The following VIRMA variants were observed in gnomAD, a reference collection of about 807,000 sequenced individuals.
VIRMA encodes vir like m6A methyltransferase associated.
In VIRMA, 65 loss-of-function variants were observed where a neutral mutation model predicts 182.4. The ratio of observed to expected loss-of-function variants is 0.36; its 90% CI spans 0.29 to 0.44. The LOEUF is 0.44. Ranked by LOEUF, VIRMA falls within the 20% of genes least tolerant of loss-of-function variation. VIRMA has a pLI of 1.00. For synonymous variants in VIRMA, 709 were observed against 743.1 expected (o/e 0.95, Z 0.75); for missense variants, 1,752 against 2,158.1 (o/e 0.81, Z 3.73).
chr8:94,505,946 T>G (rs1814139031), intron 16 of VIRMA, among the ~76,000 whole-genome samples: 1 of 151,970 alleles, frequency 6.6e-6, no homozygotes, highest in Non-Finnish European at 1.5e-5. Flanking sequence ...AATAAAAAAA[T>G]ACAAATTTTA....
rs1813510924 is a variant in VIRMA, at chr8:94,488,455, T to TA, written c.*250dup. 2.8e-6 allele frequency: 1 copy of TA among 357,644 alleles called. No homozygotes were observed. Among genetic ancestry groups the TA allele is most frequent in the Admixed American group, 4.1e-5 (1 of 24,558 alleles). The allele number at this position is 357,644 out of a possible 1,614,324, so 22.2% of individuals were successfully genotyped here. On this transcript the variant is annotated 3_prime_UTR_variant, in exon 24 of 24. Transcript: ENST00000297591. ...GGCAAGAAAAATACAAAACATCATT[T>TA]AGTTTTTCACCTAGAAATTTTCTAA... is the stretch of plus-strand genomic sequence containing the variant.
At chr8:94,490,172 A>C in intron 22 of VIRMA, 90 bp from the exon 23 acceptor site, 2 of 1,407,598 alleles carry the variant, frequency 1.4e-6, no homozygotes, top group Non-Finnish European at 1.9e-6. Flanking sequence ...CTTCAAAAGA[A>C]TGGAAAAGAA....
rs898067792 is a variant in VIRMA, at chr8:94,517,688, T to C, written c.2668+100A>G. 9.7e-6 allele frequency: 7 copies of C among 718,712 alleles called. No individual in the cohort carries two copies. In the Admixed American group the frequency reaches 1.5e-4, roughly 16 times the overall value. The allele number at this position is 718,712 out of a possible 1,614,324, so 44.5% of individuals were successfully genotyped here. A position where few individuals can be genotyped will look rare whatever the true frequency, so the allele number is the denominator to read the frequency against. On this transcript the variant is annotated intron_variant, in intron 10 of 23. Transcript: ENST00000297591. ...TTCAGGAAGTTAAAAACAGTATTAC[T>C]AGGTATATTATCGAAACATGATGAA...
At chr8:94,545,184 T>C (rs1364484384) in intron 1 of VIRMA, among the ~76,000 whole-genome samples, 1 of 152,176 alleles carries the variant, frequency 6.6e-6, no homozygotes, top group East Asian at 1.9e-4. Flanking sequence ...ATATCTAGTA[T>C]ATACTTACAT....
chr8:94,488,550 C>G lies in VIRMA; in HGVS notation c.*156G>C. 1.7e-6 allele frequency: 1 copy of G among 602,890 alleles called. No homozygotes were observed. The highest frequency in any genetic ancestry group is 2.7e-6 in the Non-Finnish European group (1 of 368,994). The allele number at this position is 602,890 out of a possible 1,614,324, so 37.3% of individuals were successfully genotyped here. ...ACAAAGTTTGGATTTTTATTGAAATCTTGTTAGGTATCAAACAAATTCTGC... is the reference window on the plus strand; with the variant it reads ...ACAAAGTTTGGATTTTTATTGAAATGTTGTTAGGTATCAAACAAATTCTGC... On this transcript the variant is annotated 3_prime_UTR_variant, in exon 24 of 24. Coordinates refer to ENST00000297591, the MANE Select transcript of VIRMA (RefSeq NM_015496.5).
At chr8:94,544,674 A>G (rs988996900) in intron 1 of VIRMA, among the ~76,000 whole-genome samples, 7 of 150,720 alleles carry the variant, frequency 4.6e-5, no homozygotes, top group Non-Finnish European at 1.0e-4. Flanking sequence ...AAAAAAAAAA[A>G]AAAAAAGAAA....
At position 94,492,748 on chromosome 8, in the gene VIRMA, C is replaced by T. The variant is rs751267865; in HGVS notation, c.4712G>A (p.Arg1571His). Residue 1571 changes from arginine (R) to histidine (H), a missense_variant, in exon 21 of 24, where the codon CGC (arginine) becomes CAC (histidine). This residue lies in a region of VIRMA where 777 missense variants were observed against 920.6 expected (regional missense o/e 0.84). Coordinates refer to ENST00000297591, the MANE Select transcript of VIRMA (RefSeq NM_015496.5). ...SDFDLHSELERSFLSEPSSPG... is the reference protein window; with the variant it reads ...SDFDLHSELEHSFLSEPSSPG... ...AGATGATGGTTCTGACAAAAATGAGCGCTCTAATTCTGAGTGCAAATCAAA... is the reference window on the plus strand; with the variant it reads ...AGATGATGGTTCTGACAAAAATGAGTGCTCTAATTCTGAGTGCAAATCAAA... The T allele has an allele frequency of 1.2e-4, 188 of 1,613,660 alleles. No homozygotes were observed. The highest frequency in any genetic ancestry group is 1.5e-4 in the Non-Finnish European group (177 of 1,179,788).
intron 8 of VIRMA, among the ~76,000 whole-genome samples, 157 bp downstream of exon 8, chr8:94,526,066 T>C (rs1327481354): frequency 6.6e-6 from 1 of 152,258 alleles, no homozygotes; most frequent in Non-Finnish European, 1.5e-5. Context: ...CACAGTAACA[T>C]ACTTCTCAGT....
At chr8:94,489,270 C>CT (rs1440881229) in intron 23 of VIRMA, among the ~76,000 whole-genome samples, 3 of 152,182 alleles carry the variant, frequency 2.0e-5, no homozygotes, top group Admixed American at 2.0e-4. Context: ...TAAGCATTGG[C>CT]TTTCATTACT....
intron 17 of VIRMA, chr8:94,497,486 T>G (rs1349156325): frequency 6.6e-6 from 1 of 151,964 alleles, no homozygotes; most frequent in African/African-American, 2.4e-5. Flanking sequence ...TGGAGTGCAA[T>G]GGCGCAATCT....
At chr8:94,512,718 A>G (rs1261871714) in intron 11 of VIRMA, among the ~76,000 whole-genome samples, 1 of 152,210 alleles carries the variant, frequency 6.6e-6, no homozygotes, top group Non-Finnish European at 1.5e-5. Context: ...TCAAGACTAG[A>G]GTAAACTGTG....
chr8:94,508,582 T>C (rs1241962165), intron 15 of VIRMA, among the ~76,000 whole-genome samples: 1 of 152,014 alleles, frequency 6.6e-6, no homozygotes, highest in African/African-American at 2.4e-5. Context: ...CTATTCAATG[T>C]AGTCATGCAA....
In VIRMA at chr8:94,506,517, TC is replaced by T. The variant is rs1280566437; in HGVS notation, c.4079del (p.Gly1360AspfsTer5). ...ATCATTACCTTTTTAAATGAAATAA[TC>T]CATAATCATGCTCTGCAAGAAACAT... ...TMMFLAEHDY[G>X]LFHLKSSLRK... On this transcript the variant is annotated frameshift_variant, in exon 16 of 24. Transcript: ENST00000297591. LOFTEE classifies it high-confidence loss of function. The T allele has an allele frequency of 6.2e-7, 1 of 1,605,350 alleles. No individual in the cohort carries two copies. Among genetic ancestry groups the T allele is most frequent in the African/African-American group, 1.3e-5 (1 of 74,886 alleles).
At chr8:94,494,988 G>A in intron 19 of VIRMA, 32 bp from the exon 20 acceptor site, 2 of 1,416,202 alleles carry the variant, frequency 1.4e-6, no homozygotes, top group Non-Finnish European at 9.9e-7. Context: ...GTGAAAAGCA[G>A]AATTCTAAAA....
rs1417621906 is a variant in VIRMA at position 94,512,130 on chromosome 8, A to C, written c.2752-41T>G. On this transcript the variant is annotated intron_variant, in intron 11 of 23. Coordinates refer to ENST00000297591, the MANE Select transcript of VIRMA (RefSeq NM_015496.5). ...TGAACAGAATATTTCGTTTCTTAGTACCCATGAGATCAACAGAAAATTCCA... is the reference window on the plus strand; with the variant it reads ...TGAACAGAATATTTCGTTTCTTAGTCCCCATGAGATCAACAGAAAATTCCA... 3.9e-6 allele frequency: 4 copies of C among 1,030,576 alleles called. No individual in the cohort carries two copies. In the African/African-American group the frequency reaches 6.6e-5, roughly 17 times the overall value. The allele number at this position is 1,030,576 out of a possible 1,614,324, so 63.8% of individuals were successfully genotyped here.
chr8:94,521,675 C>A (rs1393461213), intron 8 of VIRMA, among the ~76,000 whole-genome samples: 1 of 152,162 alleles, frequency 6.6e-6, no homozygotes, highest in Non-Finnish European at 1.5e-5. Flanking sequence ...CAAAATACTA[C>A]TAAAAAGTAA....
Position 94,529,108 on chromosome 8 carries a change from TC to T in VIRMA, c.841del (p.Asp281MetfsTer50). ...ATCCTCTTCACCTTCTTCCTCTTCA[TC>T]TTCCTCTTCCTCCTCAGGAATACTG... The part of the protein sequence containing the change: ...VDSIPEEEEE[D>X]EEEEGEEDEE... On this transcript the variant is annotated frameshift_variant, in exon 7 of 24. Coordinates refer to ENST00000297591, the MANE Select transcript of VIRMA (RefSeq NM_015496.5). LOFTEE classifies it high-confidence loss of function. 6.5e-7 allele frequency: 1 copy of T among 1,538,912 alleles called. No individual in the cohort carries two copies. The highest frequency in any genetic ancestry group is 9.0e-7 in the Non-Finnish European group (1 of 1,112,074).
At chr8:94,537,203 T>C (rs1321635944) in intron 3 of VIRMA, 52 bp from the exon 4 acceptor site, 1 of 1,126,236 alleles carries the variant, frequency 8.9e-7, no homozygotes, top group Non-Finnish European at 1.3e-6. Flanking sequence ...AACATCACAG[T>C]TCATGAAGAC....
chr8:94,529,069 CCTTCACCTTCTTCATCCT>C lies in VIRMA; in HGVS notation c.863_880del (p.Glu288_Glu293del). The C allele has an allele frequency of 2.5e-6, 4 of 1,609,576 alleles. No homozygotes were observed. Among genetic ancestry groups the C allele is most frequent in the Non-Finnish European group, 3.4e-6 (4 of 1,176,010 alleles). The stretch of plus-strand genomic sequence containing the variant: ...CCAAAGTCCTAGCTAACATAACCCA[CCTTCACCTTCTTCATCCT>C]CTTCACCTTCTTCCTCTTCATCTTC... On this transcript the variant is annotated inframe_deletion and splice_region_variant, in exon 7 of 24. Transcript: ENST00000297591.
Sources: gnomAD v4.1 joint callset for allele counts (sites outside exome capture counted in the v4.1 genomes callset) on GRCh38, gnomAD v4.1.1 for gene constraint, gnomAD v4.1.1 regional missense constraint, MANE v1.5 for transcripts, NCBI Gene and HGNC (gene_info 2026-07-23, HGNC 2026-07-21) for gene names.